PLA2G4A: variants seen among roughly 807,000 people sequenced by gnomAD.
The protein encoded by PLA2G4A is phospholipase A2 group IVA.
A neutral mutation model predicts 81.9 loss-of-function variants in PLA2G4A; 40 were observed. The ratio of observed to expected loss-of-function variants is 0.49; its 90% CI spans 0.38 to 0.64. PLA2G4A has a LOEUF of 0.64. Among genes scored for constraint, PLA2G4A ranks in the 30% least tolerant of loss-of-function variants. PLA2G4A has a pLI of 0.00. For synonymous variants in PLA2G4A, 302 were observed against 296.9 expected (o/e 1.02, Z -0.18); for missense variants, 715 against 905.1 (o/e 0.79, Z 2.69).
At chr1:186,897,339 G>A (rs1356889764) in intron 5 of PLA2G4A, among the ~76,000 whole-genome samples, 2 of 151,984 alleles carry the variant, frequency 1.3e-5, no homozygotes, top group Non-Finnish European at 2.9e-5. Flanking sequence ...TTTTGTCTCT[G>A]TCATTCATAG....
At chr1:186,925,233 A>G (rs1285682102) in intron 7 of PLA2G4A, among the ~76,000 whole-genome samples, 1 of 152,158 alleles carries the variant, frequency 6.6e-6, no homozygotes, top group Non-Finnish European at 1.5e-5. Flanking sequence ...TAGCCTATCT[A>G]AATCTGAACA....
chr1:186,912,619 A>T (rs1654987144), intron 7 of PLA2G4A, among the ~76,000 whole-genome samples: 1 of 150,664 alleles, frequency 6.6e-6, no homozygotes, highest in South Asian at 2.1e-4. Flanking sequence ...AGTTTCCTCC[A>T]TGTCTTTTCA....
intron 3 of PLA2G4A, among the ~76,000 whole-genome samples, chr1:186,886,431 A>G (rs1224990207): frequency 1.3e-5 from 2 of 152,170 alleles, no homozygotes; most frequent in African/African-American, 4.8e-5. Context: ...AGCTTAGTAC[A>G]TGGGTAGCGA....
intron 15 of PLA2G4A, among the ~76,000 whole-genome samples, chr1:186,970,289 A>C (rs902495558): frequency 6.6e-6 from 1 of 151,908 alleles, no homozygotes; most frequent in Non-Finnish European, 1.5e-5. Flanking sequence ...TGAGCTTCTT[A>C]TATATTCTGT....
intron 12 of PLA2G4A, among the ~76,000 whole-genome samples, chr1:186,947,694 G>A (rs1656393634): frequency 6.6e-6 from 1 of 152,148 alleles, no homozygotes; most frequent in South Asian, 2.1e-4. Context: ...TGGGTTGACT[G>A]TTTTGACTGA....
chr1:186,906,919 A>G lies in PLA2G4A; in HGVS notation c.379-46A>G, dbSNP rs186510188. The G allele has an allele frequency of 3.8e-4, 362 of 952,960 alleles. No homozygotes were observed. The African/African-American group carries it at 5.5e-3, about 14-fold the overall frequency. The allele number at this position is 952,960 out of a possible 1,614,324, so 59.0% of individuals were successfully genotyped here. A position where few individuals can be genotyped will look rare whatever the true frequency, so the allele number is the denominator to read the frequency against. Reference sequence around the variant, plus strand: ...TTGAGTTTGTTTCCATGATATAAACACATATCTACTTTATGACCTAATCTG... The same window carrying G: ...TTGAGTTTGTTTCCATGATATAAACGCATATCTACTTTATGACCTAATCTG... On this transcript the variant is annotated intron_variant, in intron 5 of 17. Transcript: ENST00000367466.
intron 7 of PLA2G4A, among the ~76,000 whole-genome samples, chr1:186,912,160 G>A (rs986291176): frequency 1.3e-5 from 2 of 152,090 alleles, no homozygotes; most frequent in African/African-American, 2.4e-5. Context: ...ACCCTCATTA[G>A]CACCCCCAGA....
At chr1:186,906,395 C>T (rs1386142495) in intron 5 of PLA2G4A, among the ~76,000 whole-genome samples, 1 of 152,158 alleles carries the variant, frequency 6.6e-6, no homozygotes, top group Non-Finnish European at 1.5e-5. Context: ...TAAATAAAAA[C>T]CAGAGGCTCC....
intron 8 of PLA2G4A, among the ~76,000 whole-genome samples, chr1:186,936,185 G>C (rs1026293544): frequency 6.6e-6 from 1 of 151,764 alleles, no homozygotes; most frequent in African/African-American, 2.4e-5. Context: ...TAAACAGTGT[G>C]GTCCAATTTA....
intron 1 of PLA2G4A, among the ~76,000 whole-genome samples, chr1:186,846,139 A>T (rs1027653001): frequency 6.6e-6 from 1 of 152,184 alleles, no homozygotes; most frequent in Non-Finnish European, 1.5e-5. Context: ...AAAAATTCCT[A>T]CTGTTTCATG....
At chr1:186,955,022 G>A (rs1476712412) in intron 13 of PLA2G4A, among the ~76,000 whole-genome samples, 3 of 152,108 alleles carry the variant, frequency 2.0e-5, no homozygotes, top group African/African-American at 7.2e-5. Flanking sequence ...GGAAGAGAAG[G>A]GGAAAGTAAC....
At chr1:186,844,167 GAACAGGGAGGTGTTCCTGTCGTA>G (rs1159525194) in intron 1 of PLA2G4A, among the ~76,000 whole-genome samples, 2 of 152,156 alleles carry the variant, frequency 1.3e-5, no homozygotes, top group African/African-American at 4.8e-5. Flanking sequence ...ATTTCCTTGG[GAACAGGGAGGTGTTCCTGTCGTA>G]AACTGAGAGT....
At chr1:186,957,867 CCAT>C (rs764818426) in intron 14 of PLA2G4A, among the ~76,000 whole-genome samples, 17 of 152,190 alleles carry the variant, frequency 1.1e-4, no homozygotes, top group African/African-American at 2.4e-5. Flanking sequence ...TTTCACCACA[CCAT>C]CATCTTTTCC....
chr1:186,868,664 T>G (rs1223439213), intron 2 of PLA2G4A, among the ~76,000 whole-genome samples: 1 of 152,160 alleles, frequency 6.6e-6, no homozygotes, highest in Non-Finnish European at 1.5e-5. Flanking sequence ...ACATGGTGCT[T>G]TCTGTTTTGT....
At chr1:186,911,432 A>G in intron 7 of PLA2G4A, 43 bp downstream of exon 7, 2 of 1,415,834 alleles carry the variant, frequency 1.4e-6, no homozygotes, top group South Asian at 1.1e-5. Flanking sequence ...TTTAATAATA[A>G]TTTAGCTTGG....
chr1:186,865,630 T>G (rs1262865790), intron 2 of PLA2G4A, among the ~76,000 whole-genome samples: 1 of 152,198 alleles, frequency 6.6e-6, no homozygotes, highest in Non-Finnish European at 1.5e-5. Context: ...TAGGCAAAGT[T>G]AGGTTGAATA....
intron 1 of PLA2G4A, among the ~76,000 whole-genome samples, chr1:186,847,559 T>C (rs1416777519): frequency 1.3e-5 from 2 of 152,162 alleles, no homozygotes; most frequent in Admixed American, 6.6e-5. Flanking sequence ...AGACATGCAC[T>C]ACTAAAATGG....
intron 12 of PLA2G4A, among the ~76,000 whole-genome samples, chr1:186,949,393 AG>A (rs1170153876): frequency 5.6e-4 from 14 of 25,026 alleles, no homozygotes; most frequent in African/African-American, 3.2e-4. Context: ...GAAAGAAAAA[AG>A]AAAAAGAAAG....
intron 7 of PLA2G4A, among the ~76,000 whole-genome samples, chr1:186,925,558 G>A (rs751927620): frequency 4.6e-5 from 7 of 151,922 alleles, no homozygotes; most frequent in African/African-American, 1.2e-4. Flanking sequence ...CCTGTACAGC[G>A]CTCCCTCTTG....
Sources: gnomAD v4.1 joint callset for allele counts (sites outside exome capture counted in the v4.1 genomes callset) on GRCh38, gnomAD v4.1.1 for gene constraint, MANE v1.5 for transcripts, NCBI Gene and HGNC (gene_info 2026-07-23, HGNC 2026-07-21) for gene names.